Variants in CPSF4L observed in about 807,000 individuals in gnomAD.
CPSF4L encodes cleavage and polyadenylation specific factor 4 like, also known as putative cleavage and polyadenylation specificity factor subunit 4-like protein.
Under a neutral mutation model 24.0 loss-of-function variants are expected in CPSF4L, and 18 were observed. The observed-to-expected ratio is 0.75, with a 90% confidence interval of 0.52 to 1.11. The LOEUF (loss-of-function observed/expected upper bound fraction) is 1.11. Ranked by LOEUF, CPSF4L falls within the 50% of genes least tolerant of loss-of-function variation. CPSF4L has a pLI of 0.00. For synonymous variants in CPSF4L, 72 were observed against 77.2 expected, an observed-to-expected ratio of 0.93 and a Z score of 0.35; for missense variants, 211 against 221.8, an observed-to-expected ratio of 0.95 and a Z score of 0.31.
chr17:73,243,096 T>TG, the CPSF4L span: 2 of 995,258 alleles, frequency 2.0e-6, no homozygotes, highest in African/African-American at 1.7e-5. Flanking sequence ...TTTTTTTTTT[T>TG]TTTTTACAGC....
At chr17:73,250,458 A>G (rs1195933434) in intron 5 of CPSF4L, among the ~76,000 whole-genome samples, 1 of 152,192 alleles carries the variant, frequency 6.6e-6, no homozygotes, top group East Asian at 1.9e-4. Context: ...GCCCAGCATC[A>G]CAATCCCAGA....
upstream of CPSF4L, chr17:73,262,165 A>C: frequency 4.6e-6 from 1 of 219,606 alleles, no homozygotes; most frequent in Non-Finnish European, 9.2e-6. Context: ...ACATTACCAA[A>C]CCTGGGCTCA....
downstream of CPSF4L, chr17:73,245,818 T>C: frequency 8.7e-6 from 6 of 686,330 alleles, no homozygotes; most frequent in Non-Finnish European, 9.0e-6. Flanking sequence ...TTATACATCT[T>C]AATTGAGTAT....
intron 3 of CPSF4L, among the ~76,000 whole-genome samples, chr17:73,256,589 TC>T (rs1290908174): frequency 4.6e-5 from 7 of 152,184 alleles, no homozygotes; most frequent in African/African-American, 1.7e-4. Context: ...GACTAGATAA[TC>T]CGTAAGGCTC....
chr17:73,247,289 T>C (rs1424697867), downstream of CPSF4L: 3 of 1,614,110 alleles, frequency 1.9e-6, no homozygotes, highest in Admixed American at 1.7e-5. Flanking sequence ...CCTCCATGCA[T>C]TGGTGTGGCG....
At chr17:73,250,872 T>A in intron 5 of CPSF4L, 1 of 903,496 alleles carries the variant, frequency 1.1e-6, no homozygotes, top group Non-Finnish European at 1.6e-6. Context: ...CACACTCCTA[T>A]CTGCTGCAGA....
intron 3 of CPSF4L, among the ~76,000 whole-genome samples, chr17:73,255,890 C>T (rs2062023358): frequency 1.3e-5 from 2 of 152,196 alleles, no homozygotes; most frequent in South Asian, 2.1e-4. Flanking sequence ...GCCTTCAATC[C>T]GCCTTTCAGA....
At chr17:73,257,897 TC>T (rs2062029820) in intron 2 of CPSF4L, 64 bp from the exon 3 acceptor site, 1 of 1,513,934 alleles carries the variant, frequency 6.6e-7, no homozygotes, top group Admixed American at 2.0e-5. Context: ...AGCTCAGCCC[TC>T]CAGGGGATTC....
upstream of CPSF4L, chr17:73,262,124 G>A: frequency 3.1e-6 from 1 of 320,866 alleles, no homozygotes; most frequent in Non-Finnish European, 5.8e-6. Context: ...ATCTTTGCAT[G>A]TTACCGAACA....
intron 1 of CPSF4L, among the ~76,000 whole-genome samples, chr17:73,261,399 T>C (rs8078493): frequency 0.19 from 28,285 of 152,076 alleles, 3,381 homozygotes; most frequent in African/African-American, 0.34. Flanking sequence ...TGGTGGCTCA[T>C]GCCTGTAATC....
At chr17:73,247,512 G>A (rs1372253901), downstream of CPSF4L, 2 of 593,406 alleles carry the variant, frequency 3.4e-6, no homozygotes, top group African/African-American at 1.9e-5. Flanking sequence ...AAATAAAGTA[G>A]TATCACTTGT....
downstream of CPSF4L, chr17:73,245,176 C>T (rs202104558): frequency 9.3e-6 from 15 of 1,613,416 alleles, no homozygotes; most frequent in Middle Eastern, 1.6e-4. Context: ...AGAGCTGCAG[C>T]GGTGGCGTAA....
At position 73,248,503 on chromosome 17, in the gene CPSF4L, G is replaced by C. The variant is rs1460220992; in HGVS notation, c.531C>G (p.Ser177Arg). The C allele has an allele frequency of 6.4e-7, 1 of 1,551,688 alleles. No homozygotes were observed. The highest frequency in any genetic ancestry group is 1.4e-5 in the African/African-American group (1 of 73,156). Residue 177 changes from serine to arginine, a missense_variant, in exon 6 of 6, where the codon AGC becomes AGG. Ser to Arg is a moderately radical substitution (Grantham distance 110, BLOSUM62 -1). Coordinates refer to ENST00000344935, the MANE Select transcript of CPSF4L (RefSeq NM_001129885.1). ...AGGTAAGAAGCAACGCTTAGATCTT[G>C]CTTCCAGGCAGCAGCTTGAATTCCC... ...KIREFKLLPGSKI is the reference protein window; with the variant it reads ...KIREFKLLPGRKI
intron 5 of CPSF4L, among the ~76,000 whole-genome samples, chr17:73,249,606 C>T (rs986782726): frequency 6.6e-6 from 1 of 152,144 alleles, no homozygotes; most frequent in Admixed American, 6.5e-5. Flanking sequence ...CATCCCATTG[C>T]TCTTCTCCAT....
intron 5 of CPSF4L, chr17:73,250,140 A>T: frequency 8.9e-7 from 1 of 1,123,244 alleles, no homozygotes; most frequent in Non-Finnish European, 1.2e-6. Flanking sequence ...TCTGCACCTC[A>T]CTCATACCCT....
At chr17:73,263,277 C>T (rs1210193249), upstream of CPSF4L, among the ~76,000 whole-genome samples, 2 of 152,118 alleles carry the variant, frequency 1.3e-5, no homozygotes, top group Non-Finnish European at 2.9e-5. Flanking sequence ...GTTTGGGAGG[C>T]GCTATGGATG....
chr17:73,257,026 C>CA (rs1035444460), intron 3 of CPSF4L, among the ~76,000 whole-genome samples: 9 of 151,840 alleles, frequency 5.9e-5, no homozygotes, highest in Non-Finnish European at 1.0e-4. Flanking sequence ...GACGCTGTCT[C>CA]AAAAAAATAT....
At chr17:73,250,994 T>C in intron 5 of CPSF4L, 2 of 1,546,248 alleles carry the variant, frequency 1.3e-6, no homozygotes, top group Non-Finnish European at 1.7e-6. Flanking sequence ...GGCCCTGCCC[T>C]TGACCCCTGA....
chr17:73,251,273 AG>A (rs1178892161), intron 5 of CPSF4L, among the ~76,000 whole-genome samples: 1 of 152,196 alleles, frequency 6.6e-6, no homozygotes, highest in African/African-American at 2.4e-5. Flanking sequence ...CATCAAAGTT[AG>A]GCTTTCATTG....
Sources: allele counts gnomAD v4.1 joint callset (sites outside exome capture counted in the v4.1 genomes callset), GRCh38; gene constraint gnomAD v4.1.1; transcripts MANE v1.5; gene names NCBI Gene and HGNC (gene_info 2026-07-23, HGNC 2026-07-21).